The following HADH variants were observed in gnomAD, a reference collection of about 807,000 sequenced individuals.
HADH encodes hydroxyacyl-CoA dehydrogenase, also known as hydroxyacyl-coenzyme A dehydrogenase, mitochondrial.
A neutral mutation model predicts 32.2 loss-of-function variants in HADH; 24 were observed. The ratio of observed to expected loss-of-function variants is 0.75; its 90% confidence interval spans 0.54 to 1.05. HADH has a LOEUF of 1.05. HADH is among the 50% of genes least tolerant of loss of function. HADH has a pLI of 0.00. For missense variants in HADH, 350 were observed against 397.1 expected (o/e 0.88, Z 1.01); for synonymous variants, 139 against 152.5 (o/e 0.91, Z 0.65).
chr4:108,027,492 T>C, intron 5 of HADH, 196 bp from the exon 6 acceptor site: 1 of 643,328 alleles, frequency 1.6e-6, no homozygotes, highest in Non-Finnish European at 2.8e-6. Flanking sequence ...TTTGAATGTT[T>C]TTTTAAGTAC....
intron 2 of HADH, among the ~76,000 whole-genome samples, chr4:108,013,986 C>A (rs1354900529): frequency 6.6e-6 from 1 of 151,988 alleles, no homozygotes; most frequent in Admixed American, 6.6e-5. Context: ...TATAGAGGCA[C>A]CATCTCCAAT....
rs565682632 is a variant in HADH, at chr4:107,995,973, C to T, written c.132+5909C>T. ...CCCATGGTAGACTCAAACTCACCTG[C>T]CAAGATCTAATTCATTATTTCCCCT... On this transcript the variant is annotated intron_variant, in intron 1 of 7. Transcript: ENST00000309522. 3.3e-5 allele frequency among the ~76,000 whole-genome samples: 5 copies of T among 152,274 alleles called. No homozygotes were observed. The East Asian group carries it at 7.7e-4, about 24-fold the overall frequency.
At chr4:108,012,594 G>C (rs1198705783) in intron 2 of HADH, among the ~76,000 whole-genome samples, 1 of 152,188 alleles carries the variant, frequency 6.6e-6, no homozygotes, top group Non-Finnish European at 1.5e-5. Flanking sequence ...GGCAAAGGCA[G>C]ATGAGAACAA....
chr4:108,014,426 A>G lies in HADH; in HGVS notation c.262-5A>G, dbSNP rs368033440. On this transcript the variant is annotated splice_region_variant and splice_polypyrimidine_tract_variant and intron_variant, in intron 2 of 7. Coordinates refer to ENST00000309522, the MANE Select transcript of HADH (RefSeq NM_005327.7). ...AATGTTCTCTTCTTCCTCCCACTGCATTAGGCCGGCGATGAATTTGTGGAG... is the reference window on the plus strand; with the variant it reads ...AATGTTCTCTTCTTCCTCCCACTGCGTTAGGCCGGCGATGAATTTGTGGAG... The G allele has an allele frequency of 2.4e-5, 39 of 1,613,986 alleles. No individual in the cohort carries two copies. Among genetic ancestry groups the G allele is most frequent in the African/African-American group, 8.0e-5 (6 of 74,914 alleles).
chr4:108,020,567 G>T (rs1278458365), intron 4 of HADH, among the ~76,000 whole-genome samples: 1 of 152,180 alleles, frequency 6.6e-6, no homozygotes, highest in Non-Finnish European at 1.5e-5. Context: ...GAGGCAGGGA[G>T]GGCTTCCCCA....
intron 6 of HADH, chr4:108,032,388 T>A (rs1553944712): frequency 6.3e-7 from 1 of 1,577,770 alleles, no homozygotes; most frequent in Non-Finnish European, 8.7e-7. Flanking sequence ...GTATCTTGAC[T>A]AAAAGGTTTG....
At chr4:108,028,856 C>T in intron 6 of HADH, 1 of 398,518 alleles carries the variant, frequency 2.5e-6, no homozygotes. Flanking sequence ...CTCCAATGCA[C>T]CAAGTATCAG....
intron 1 of HADH, among the ~76,000 whole-genome samples, chr4:107,998,961 GT>G (rs2126220216): frequency 6.6e-6 from 1 of 152,292 alleles, no homozygotes; most frequent in East Asian, 1.9e-4. Context: ...TGATCTCTGG[GT>G]TGTCTTCCTC....
chr4:108,023,133 A>G (rs1050628078), intron 4 of HADH, among the ~76,000 whole-genome samples: 1 of 151,962 alleles, frequency 6.6e-6, no homozygotes, highest in Non-Finnish European at 1.5e-5. Flanking sequence ...AGCTGGGACT[A>G]CAGGCACATG....
At chr4:108,020,679 A>G (rs1191413229) in intron 4 of HADH, among the ~76,000 whole-genome samples, 1 of 152,042 alleles carries the variant, frequency 6.6e-6, no homozygotes, top group Non-Finnish European at 1.5e-5. Context: ...ACAGGGTCCT[A>G]ATTACAGGGT....
At chr4:108,003,826 A>AAC (rs1560725080) in intron 1 of HADH, among the ~76,000 whole-genome samples, 1 of 149,984 alleles carries the variant, frequency 6.7e-6, no homozygotes, top group African/African-American at 2.5e-5. Context: ...AAAAAAAAAA[A>AAC]CAAAAAAAAA....
chr4:107,996,580 C>T (rs1734964303), intron 1 of HADH, among the ~76,000 whole-genome samples: 1 of 151,970 alleles, frequency 6.6e-6, no homozygotes, highest in Admixed American at 6.6e-5. Context: ...GGAGTCTGTC[C>T]AATTAATTTA....
intron 1 of HADH, among the ~76,000 whole-genome samples, chr4:107,996,970 A>G (rs938740351): frequency 4.7e-4 from 71 of 152,134 alleles, no homozygotes; most frequent in African/African-American, 1.7e-3. Context: ...AGCTTTTGCT[A>G]ATTGTTGAAG....
chr4:107,994,738 C>A (rs532361978), intron 1 of HADH, among the ~76,000 whole-genome samples: 1 of 152,230 alleles, frequency 6.6e-6, no homozygotes, highest in South Asian at 2.1e-4. Context: ...GAAGTTTTCC[C>A]CCTACTTCCC....
At chr4:108,019,471 A>C (rs1735804654) in intron 3 of HADH, 69 bp from the exon 4 acceptor site, 1 of 1,429,660 alleles carries the variant, frequency 7.0e-7, no homozygotes, top group African/African-American at 1.4e-5. Context: ...TGTGCATTGC[A>C]TCCAAGAGTC....
Position 108,034,770 on chromosome 4 carries a change from T to C in HADH, c.*413T>C. 2.9e-6 allele frequency: 1 copy of C among 341,932 alleles called. No homozygotes were observed. The highest frequency in any genetic ancestry group is 5.7e-6 in the Non-Finnish European group (1 of 174,034). The allele number at this position is 341,932 out of a possible 1,614,324, so 21.2% of individuals were successfully genotyped here. A position where few individuals can be genotyped will look rare whatever the true frequency, so the allele number is the denominator to read the frequency against. Reference sequence around the variant, plus strand: ...ACAAGCCACTGGCAAGCAAGTGGTATAGTCTGTGAAGCACTGCAGCGAGCA... The same window carrying C: ...ACAAGCCACTGGCAAGCAAGTGGTACAGTCTGTGAAGCACTGCAGCGAGCA... On this transcript the variant is annotated 3_prime_UTR_variant, in exon 8 of 8. Transcript: ENST00000309522.
intron 6 of HADH, 129 bp from the exon 7 acceptor site, chr4:108,033,047 A>G: frequency 1.3e-6 from 1 of 760,548 alleles, no homozygotes; most frequent in East Asian, 2.4e-5. Flanking sequence ...CCCAAGCCAG[A>G]AAGTCTCAGT....
chr4:108,015,957 C>T (rs1288447966), intron 3 of HADH, among the ~76,000 whole-genome samples: 1 of 152,088 alleles, frequency 6.6e-6, no homozygotes, highest in African/African-American at 2.4e-5. Context: ...TGTGTTTCCT[C>T]CTTTTTTGGA....
At chr4:108,032,285 A>G (rs1488662317) in intron 6 of HADH, 2 of 1,364,724 alleles carry the variant, frequency 1.5e-6, no homozygotes, top group Admixed American at 1.7e-5. Flanking sequence ...GTAAATTTCC[A>G]AGGGAAAAGC....
Sources: gnomAD v4.1 joint callset for allele counts (sites outside exome capture counted in the v4.1 genomes callset) on GRCh38, gnomAD v4.1.1 for gene constraint, MANE v1.5 for transcripts, NCBI Gene and HGNC (gene_info 2026-07-23, HGNC 2026-07-21) for gene names.